Variants in ZNF804B observed in about 807,000 individuals in gnomAD.
ZNF804B encodes the protein zinc finger 804B.
In ZNF804B, 80 loss-of-function variants were observed where a neutral mutation model predicts 101.4. That is an observed-to-expected ratio of 0.79 (90% CI 0.66 to 0.95). ZNF804B has a LOEUF of 0.95. Ranked by LOEUF, ZNF804B falls within the 40% of genes least tolerant of loss-of-function variation. The pLI is 0.00. For missense variants in ZNF804B, 1,673 were observed against 1,561.9 expected (o/e 1.07, Z -1.20); for synonymous variants, 622 against 558.8 (o/e 1.11, Z -1.59).
At chr7:88,896,839 T>C (rs1212368722) in intron 1 of ZNF804B, among the ~76,000 whole-genome samples, 1 of 152,208 alleles carries the variant, frequency 6.6e-6, no homozygotes. Flanking sequence ...GTGAGAAATT[T>C]ATTTGGCAGG....
chr7:89,023,537 A>G (rs867105651), intron 1 of ZNF804B, among the ~76,000 whole-genome samples: 38 of 152,166 alleles, frequency 2.5e-4, no homozygotes, highest in African/African-American at 8.2e-4. Context: ...TTCCTCTCTA[A>G]TAACCATTTC....
At chr7:89,032,036 C>T (rs991158315) in intron 1 of ZNF804B, among the ~76,000 whole-genome samples, 1 of 151,862 alleles carries the variant, frequency 6.6e-6, no homozygotes, top group Non-Finnish European at 1.5e-5. Flanking sequence ...CATTTATTTG[C>T]AAGCTTTCCT....
chr7:88,904,030 C>A (rs553811258), intron 1 of ZNF804B, among the ~76,000 whole-genome samples: 4 of 152,260 alleles, frequency 2.6e-5, no homozygotes, highest in Admixed American at 2.0e-4. Flanking sequence ...TTTGCCATGG[C>A]TGATGTCAAG....
At chr7:88,869,333 A>G (rs1037026715) in intron 1 of ZNF804B, among the ~76,000 whole-genome samples, 1 of 152,088 alleles carries the variant, frequency 6.6e-6, no homozygotes, top group Non-Finnish European at 1.5e-5. Flanking sequence ...CTTGGGGCCC[A>G]TCTATCAGTG....
rs376321404 is a variant in ZNF804B, at chr7:89,066,992, T to A, written c.109-151163T>A. 1.6e-4 allele frequency among the ~76,000 whole-genome samples: 24 copies of A among 152,172 alleles called. No individual in the cohort carries two copies. In the East Asian group the frequency reaches 4.5e-3, roughly 28 times the overall value. ...TGGTTATTTTATCATCCTACATATT[T>A]AATACCTAAATATCTAACTCTTTTT... On this transcript the variant is annotated intron_variant, in intron 1 of 3. Transcript: ENST00000333190.
chr7:89,129,480 A>G (rs768887879), intron 1 of ZNF804B, among the ~76,000 whole-genome samples: 1 of 152,026 alleles, frequency 6.6e-6, no homozygotes. Flanking sequence ...GCAACCTAAC[A>G]TAACAGGATA....
chr7:88,949,762 A>T (rs2116064944), intron 1 of ZNF804B, among the ~76,000 whole-genome samples: 1 of 152,068 alleles, frequency 6.6e-6, no homozygotes, highest in Admixed American at 6.6e-5. Context: ...TAAGGTTATA[A>T]TATGGTATTT....
chr7:88,987,347 G>T (rs564080038), intron 1 of ZNF804B, among the ~76,000 whole-genome samples: 1 of 152,120 alleles, frequency 6.6e-6, no homozygotes, highest in East Asian at 1.9e-4. Context: ...TCTCCAGATG[G>T]GTTAAAAACC....
At position 88,894,802 on chromosome 7, in the gene ZNF804B, G is replaced by C. The variant is rs953290177; in HGVS notation, c.108+134718G>C. Reference sequence around the variant, plus strand: ...TTTGATGATATAATATTCTAGAAAAGATGCAATTATGAAGATAAAAATAGA... The same window carrying C: ...TTTGATGATATAATATTCTAGAAAACATGCAATTATGAAGATAAAAATAGA... On this transcript the variant is annotated intron_variant, in intron 1 of 3. Transcript: ENST00000333190. 6.6e-5 allele frequency among the ~76,000 whole-genome samples: 10 copies of C among 152,150 alleles called. No homozygotes were observed. The South Asian group carries it at 1.2e-3, about 19-fold the overall frequency.
At chr7:89,099,160 G>T in intron 1 of ZNF804B, among the ~76,000 whole-genome samples, 1 of 151,182 alleles carries the variant, frequency 6.6e-6, no homozygotes, top group East Asian at 1.9e-4. Flanking sequence ...AAATAAAAAG[G>T]CTAATTTTGG....
chr7:88,952,651 A>G (rs543221932), intron 1 of ZNF804B, among the ~76,000 whole-genome samples: 1 of 151,826 alleles, frequency 6.6e-6, no homozygotes, highest in African/African-American at 2.4e-5. Flanking sequence ...TGATCAAAAT[A>G]AAAGAGTTCA....
At chr7:89,114,822 G>T (rs1790283024) in intron 1 of ZNF804B, among the ~76,000 whole-genome samples, 1 of 152,216 alleles carries the variant, frequency 6.6e-6, no homozygotes, top group Non-Finnish European at 1.5e-5. Flanking sequence ...GTAAATTCAT[G>T]AAGGTGTTGG....
intron 1 of ZNF804B, among the ~76,000 whole-genome samples, chr7:89,141,777 T>C (rs1790721495): frequency 1.3e-5 from 2 of 151,914 alleles, no homozygotes; most frequent in African/African-American, 2.4e-5. Context: ...AAACAATATA[T>C]GGGAGATTTG....
intron 1 of ZNF804B, among the ~76,000 whole-genome samples, chr7:88,962,705 TCA>T (rs1793402759): frequency 4.8e-5 from 3 of 62,452 alleles, no homozygotes; most frequent in Non-Finnish European, 1.0e-4. Flanking sequence ...GTTGTTAAAC[TCA>T]CATATATATA....
chr7:89,173,707 T>C (rs1257838330), intron 1 of ZNF804B, among the ~76,000 whole-genome samples: 2 of 152,020 alleles, frequency 1.3e-5, no homozygotes, highest in Non-Finnish European at 2.9e-5. Context: ...ACCTGTTATC[T>C]GTCTTCTGTC....
At chr7:89,318,618 C>T (rs1017475892) in intron 2 of ZNF804B, among the ~76,000 whole-genome samples, 1 of 152,134 alleles carries the variant, frequency 6.6e-6, no homozygotes, top group Non-Finnish European at 1.5e-5. Context: ...CAAAAATTAA[C>T]CGCGTGTGGT....
intron 2 of ZNF804B, among the ~76,000 whole-genome samples, chr7:89,283,347 C>G: frequency 6.6e-6 from 1 of 152,032 alleles, no homozygotes; most frequent in Non-Finnish European, 1.5e-5. Flanking sequence ...TCAGGTGGTT[C>G]CAATGATCAC....
intron 1 of ZNF804B, among the ~76,000 whole-genome samples, chr7:88,929,024 T>C (rs1322426159): frequency 2.6e-5 from 4 of 152,032 alleles, no homozygotes; most frequent in African/African-American, 7.2e-5. Flanking sequence ...GATGCAAGTT[T>C]GTCTTTTGGT....
chr7:89,323,751 A>G (rs1790855607), intron 2 of ZNF804B, among the ~76,000 whole-genome samples: 1 of 152,066 alleles, frequency 6.6e-6, no homozygotes. Context: ...TTGTTTTCCC[A>G]TTATTGTGTG....
Sources: allele counts gnomAD v4.1 joint callset (sites outside exome capture counted in the v4.1 genomes callset), GRCh38; gene constraint gnomAD v4.1.1; transcripts MANE v1.5; gene names NCBI Gene and HGNC (gene_info 2026-07-23, HGNC 2026-07-21).